The following CHKA variants were observed in gnomAD, a reference collection of about 807,000 sequenced individuals.
CHKA encodes the protein CHETK-alpha.
A neutral mutation model predicts 60.1 loss-of-function variants in CHKA; 34 were observed. That is an observed-to-expected ratio of 0.57 (90% CI 0.43 to 0.75). The LOEUF is 0.75. CHKA is among the 30% of genes least tolerant of loss of function. The pLI, the probability that CHKA is intolerant of heterozygous loss-of-function variation, is 0.00. For missense variants in CHKA, 563 were observed against 561.3 expected (o/e 1.00, Z -0.03); for synonymous variants, 217 against 223.1 (o/e 0.97, Z 0.24).
chr11:68,068,845 A>G lies in CHKA; in HGVS notation c.928+34T>C, dbSNP rs754744058. 6 of 1,521,876 alleles carry G rather than the reference A, an allele frequency of 3.9e-6. No individual in the cohort carries two copies. The South Asian group carries it at 6.7e-5, about 17-fold the overall frequency. 94.3% of individuals were successfully genotyped at this position (1,521,876 alleles called of 1,614,324 possible). A position where few individuals can be genotyped will look rare whatever the true frequency, so the allele number is the denominator to read the frequency against. On this transcript the variant is annotated intron_variant, in intron 7 of 11. Coordinates refer to ENST00000265689, the MANE Select transcript of CHKA (RefSeq NM_001277.3). ...CAGTAATTTTCTAAGTATGCACACA[A>G]ACCTCATCTGTAACAGAACATAGCA...
intron 10 of CHKA, among the ~76,000 whole-genome samples, chr11:68,062,303 G>A (rs1856278791): frequency 6.6e-6 from 1 of 152,204 alleles, no homozygotes; most frequent in African/African-American, 2.4e-5. Context: ...ATGCCACTTG[G>A]CCATAATATA....
intron 1 of CHKA, among the ~76,000 whole-genome samples, chr11:68,107,373 T>C (rs1857952077): frequency 6.6e-6 from 1 of 152,180 alleles, no homozygotes; most frequent in Non-Finnish European, 1.5e-5. Context: ...TCCCCAAAAT[T>C]TGAAAACCAA....
chr11:68,119,261 G>A (rs1222105755), intron 1 of CHKA, among the ~76,000 whole-genome samples: 2 of 152,152 alleles, frequency 1.3e-5, no homozygotes, highest in Admixed American at 6.5e-5. Flanking sequence ...TAAGCAGTCA[G>A]AGGGGCTGAA....
At chr11:68,083,237 G>C (rs913429344) in intron 2 of CHKA, among the ~76,000 whole-genome samples, 1 of 152,156 alleles carries the variant, frequency 6.6e-6, no homozygotes, top group African/African-American at 2.4e-5. Context: ...CGAGCTGCCT[G>C]GTGCCACGCA....
At chr11:68,100,025 T>G (rs1456789666) in intron 1 of CHKA, among the ~76,000 whole-genome samples, 1 of 152,128 alleles carries the variant, frequency 6.6e-6, no homozygotes, top group Non-Finnish European at 1.5e-5. Context: ...TGAAGCAAGG[T>G]GACTGGCACC....
chr11:68,117,624 T>C (rs1188043048), intron 1 of CHKA, among the ~76,000 whole-genome samples: 1 of 151,186 alleles, frequency 6.6e-6, no homozygotes, highest in Non-Finnish European at 1.5e-5. Flanking sequence ...GAGGCAGAAG[T>C]TGCAGCTAGC....
chr11:68,096,206 AAG>A (rs1287069003), intron 2 of CHKA, among the ~76,000 whole-genome samples: 3 of 151,676 alleles, frequency 2.0e-5, no homozygotes, highest in Non-Finnish European at 2.9e-5. Context: ...TCTACTAAAA[AAG>A]TACAAAATTA....
At chr11:68,077,495 C>T (rs532386124) in intron 3 of CHKA, among the ~76,000 whole-genome samples, 199 of 152,264 alleles carry the variant, frequency 1.3e-3, no homozygotes, top group Non-Finnish European at 2.3e-3. Flanking sequence ...ATTGGTCCTA[C>T]TTTTTCAGAT....
intron 1 of CHKA, among the ~76,000 whole-genome samples, chr11:68,098,700 A>G (rs976911465): frequency 6.6e-6 from 1 of 151,936 alleles, no homozygotes. Flanking sequence ...TTATTTATTT[A>G]TTTATTTTTT....
At chr11:68,064,778 A>AC (rs1856384248) in intron 9 of CHKA, 147 bp from the exon 10 acceptor site, 1 of 586,264 alleles carries the variant, frequency 1.7e-6, no homozygotes, top group South Asian at 2.3e-5. Flanking sequence ...TGGGGCTGGC[A>AC]CCAGTGAGCC....
intron 9 of CHKA, among the ~76,000 whole-genome samples, chr11:68,065,427 T>C (rs1431467794): frequency 2.0e-5 from 3 of 152,198 alleles, no homozygotes; most frequent in Non-Finnish European, 1.5e-5. Context: ...AGGCCAGGCA[T>C]GGTGGCTCAC....
chr11:68,058,777 C>T (rs1856117276), intron 11 of CHKA, among the ~76,000 whole-genome samples: 1 of 152,190 alleles, frequency 6.6e-6, no homozygotes, highest in South Asian at 2.1e-4. Flanking sequence ...CAGCTAGGAG[C>T]TTCAGTACAA....
At chr11:68,116,836 G>C (rs761075464) in intron 1 of CHKA, among the ~76,000 whole-genome samples, 2 of 152,286 alleles carry the variant, frequency 1.3e-5, no homozygotes, top group Non-Finnish European at 2.9e-5. Flanking sequence ...TAAGTGGTCA[G>C]CTCATTAACA....
chr11:68,066,516 C>A lies in CHKA; in HGVS notation c.929G>T (p.Gly310Val). Residue 310 changes from glycine (G) to valine (V), a missense_variant and splice_region_variant, in exon 8 of 12, where the codon GGT becomes GTT. Gly to Val is a moderately radical substitution (Grantham distance 109). Coordinates refer to ENST00000265689, the MANE Select transcript of CHKA (RefSeq NM_001277.3). Reference protein sequence around the residue: ...VVFCHNDCQEGNILLLEGREN... With the variant: ...VVFCHNDCQEVNILLLEGREN... ...TCGGCCTTCCAGCAACAAGATATTACCTGCAAAAGGTTTGGATAACATGGT... is the reference window on the plus strand; with the variant it reads ...TCGGCCTTCCAGCAACAAGATATTAACTGCAAAAGGTTTGGATAACATGGT... 1 of 1,612,888 alleles carries A rather than the reference C, an allele frequency of 6.2e-7. No homozygotes were observed. The highest frequency in any genetic ancestry group is 8.5e-7 in the Non-Finnish European group (1 of 1,178,840).
Position 68,112,925 on chromosome 11 carries a change from A to C in CHKA, c.350+7903T>G, listed in dbSNP as rs1414787360. The stretch of plus-strand genomic sequence containing the variant: ...GTGAAACCCCATCTCTACTAAAAAT[A>C]CAAAAAATTAGCCGGGCGTGGTGGC... On this transcript the variant is annotated intron_variant, in intron 1 of 11. Coordinates refer to ENST00000265689, the MANE Select transcript of CHKA (RefSeq NM_001277.3). 2.0e-5 allele frequency among the ~76,000 whole-genome samples: 3 copies of C among 151,658 alleles called. No homozygotes were observed. The East Asian group carries it at 5.8e-4, about 30-fold the overall frequency.
intron 2 of CHKA, 23 bp from the exon 3 acceptor site, chr11:68,081,480 A>G (rs766691187): frequency 1.9e-6 from 3 of 1,595,618 alleles, no homozygotes; most frequent in Non-Finnish European, 2.6e-6. Context: ...AAAAGGAAAC[A>G]CTTCTGGTGA....
In CHKA at chr11:68,072,817, G is replaced by A. The variant is rs1183205611; in HGVS notation, c.630+1900C>T. 5.9e-5 allele frequency among the ~76,000 whole-genome samples: 9 copies of A among 152,054 alleles called. No individual in the cohort carries two copies. The East Asian group carries it at 1.7e-3, about 30-fold the overall frequency. The stretch of plus-strand genomic sequence containing the variant: ...AAGACCAGCCAGGGTAACACAGCAA[G>A]ACCCATCTCTACAAAAAAAAATTTT... On this transcript the variant is annotated intron_variant, in intron 4 of 11. Transcript: ENST00000265689.
intron 10 of CHKA, among the ~76,000 whole-genome samples, chr11:68,062,936 A>G (rs568725930): frequency 4.3e-4 from 65 of 152,184 alleles, no homozygotes; most frequent in Non-Finnish European, 6.9e-4. Context: ...GAGGGGCCAC[A>G]GTGACTTAAA....
At chr11:68,116,557 C>CA (rs573618684) in intron 1 of CHKA, among the ~76,000 whole-genome samples, 75 of 141,846 alleles carry the variant, frequency 5.3e-4, no homozygotes, top group African/African-American at 1.1e-3. Flanking sequence ...CTAAAGATAC[C>CA]AAAAAAAAAA....
Sources: allele counts gnomAD v4.1 joint callset (sites outside exome capture counted in the v4.1 genomes callset), GRCh38; gene constraint gnomAD v4.1.1; transcripts MANE v1.5; gene names NCBI Gene and HGNC (gene_info 2026-07-23, HGNC 2026-07-21).